The following SMPD4 variants were observed in gnomAD, a reference collection of about 807,000 sequenced individuals.
SMPD4 encodes the protein neutral sphingomyelinase 3.
Under a neutral mutation model 97.8 loss-of-function variants are expected in SMPD4, and 58 were observed. The observed-to-expected ratio is 0.59, with a 90% CI of 0.48 to 0.74. The LOEUF is 0.74. SMPD4 is among the 30% of genes least tolerant of loss of function. SMPD4 has a pLI of 0.00. For missense variants in SMPD4, 853 were observed against 1,080.5 expected (o/e 0.79, Z 2.95); for synonymous variants, 388 against 450.0 (o/e 0.86, Z 1.74).
intron 8 of SMPD4, 40 bp from the exon 9 acceptor site, chr2:130,167,630 C>A: frequency 5.2e-6 from 8 of 1,553,036 alleles, no homozygotes; most frequent in Non-Finnish European, 7.0e-6. Flanking sequence ...TACAGGCTCC[C>A]GCTGTAACTC....
chr2:130,168,638 G>A (rs1183348635), intron 8 of SMPD4, among the ~76,000 whole-genome samples: 1 of 151,820 alleles, frequency 6.6e-6, no homozygotes, highest in Non-Finnish European at 1.5e-5. Context: ...AAGTAGCTGG[G>A]ACCAACACCA....
intron 11 of SMPD4, among the ~76,000 whole-genome samples, chr2:130,158,849 A>C (rs114380411): frequency 1.7e-3 from 261 of 152,286 alleles, no homozygotes; most frequent in African/African-American, 6.0e-3. Context: ...CCCAGCCTCC[A>C]GGTATATCCT....
chr2:130,163,083 G>T (rs374540415), intron 10 of SMPD4, among the ~76,000 whole-genome samples: 70 of 152,392 alleles, frequency 4.6e-4, no homozygotes, highest in African/African-American at 1.7e-3. Context: ...CACTCCCTCA[G>T]AAGGCAGAAG....
chr2:130,181,472 G>A (rs1404425058), intron 1 of SMPD4, 58 bp downstream of exon 1: 13 of 1,552,230 alleles, frequency 8.4e-6, no homozygotes, highest in Non-Finnish European at 1.1e-5. Context: ...CTCCGCAGGG[G>A]CTCGGGGAAG....
At chr2:130,153,584 C>T in intron 17 of SMPD4, 118 bp downstream of exon 17, 1 of 1,558,028 alleles carries the variant, frequency 6.4e-7, no homozygotes, top group South Asian at 1.2e-5. Flanking sequence ...CCTCCCACAA[C>T]ACTGGGTCCA....
intron 13 of SMPD4, 165 bp from the exon 14 acceptor site, chr2:130,156,300 C>A: frequency 1.4e-6 from 1 of 702,424 alleles, no homozygotes; most frequent in Non-Finnish European, 2.4e-6. Context: ...TCTTGCTGGC[C>A]CTCCAGAAGC....
chr2:130,179,245 C>A (rs535598098), intron 1 of SMPD4, among the ~76,000 whole-genome samples: 2 of 152,038 alleles, frequency 1.3e-5, no homozygotes, highest in Non-Finnish European at 2.9e-5. Flanking sequence ...CTCAGCCTCC[C>A]GAGTAGCTGG....
intron 18 of SMPD4, 58 bp downstream of exon 18, chr2:130,153,261 G>T (rs1686410177): frequency 6.2e-7 from 1 of 1,612,628 alleles, no homozygotes; most frequent in Non-Finnish European, 8.5e-7. Flanking sequence ...CAAGGGAGGA[G>T]GGAGCTGGGG....
At chr2:130,164,092 C>T (rs1157043217) in intron 10 of SMPD4, among the ~76,000 whole-genome samples, 1 of 152,214 alleles carries the variant, frequency 6.6e-6, no homozygotes, top group Non-Finnish European at 1.5e-5. Context: ...CTCATCTGTT[C>T]CTGCTGCCAG....
intron 14 of SMPD4, 80 bp downstream of exon 14, chr2:130,155,955 G>A (rs2104810656): frequency 3.5e-6 from 5 of 1,434,246 alleles, no homozygotes; most frequent in South Asian, 1.2e-5. Flanking sequence ...AGCACAGGCC[G>A]CTGGCTTGGC....
At chr2:130,162,123 C>A (rs1418320487) in intron 10 of SMPD4, among the ~76,000 whole-genome samples, 1 of 152,264 alleles carries the variant, frequency 6.6e-6, no homozygotes, top group Non-Finnish European at 1.5e-5. Flanking sequence ...CAGAAACTCC[C>A]ACCCTCCAGA....
intron 1 of SMPD4, chr2:130,181,244 C>T: frequency 7.6e-7 from 1 of 1,315,872 alleles, no homozygotes; most frequent in African/African-American, 1.5e-5. Flanking sequence ...CAACACAAAG[C>T]TCTCCTTCCC....
intron 10 of SMPD4, among the ~76,000 whole-genome samples, chr2:130,162,913 TGGCCAAG>T (rs1687565661): frequency 6.6e-6 from 1 of 152,226 alleles, no homozygotes; most frequent in Non-Finnish European, 1.5e-5. Context: ...CCCCAAGGTC[TGGCCAAG>T]AGGAAGCAAA....
In SMPD4 at chr2:130,172,344, C is replaced by A; in HGVS notation, c.659+5G>T. On this transcript the variant is annotated splice_donor_5th_base_variant and intron_variant, in intron 8 of 19. Coordinates refer to ENST00000680298, the MANE Select transcript of SMPD4 (RefSeq NM_017951.5). ...GGGCCAGGTCTTAACAAAGGGCAGC[C>A]TTACCTGGGAGGTGGTGAGGGGCTG... 1.9e-6 allele frequency: 3 copies of A among 1,576,618 alleles called. No homozygotes were observed. Among genetic ancestry groups the A allele is most frequent in the Non-Finnish European group, 2.6e-6 (3 of 1,161,294 alleles).
chr2:130,153,335 G>C lies in SMPD4; in HGVS notation c.2009C>G (p.Pro670Arg). 1 of 1,613,800 alleles carries C rather than the reference G, an allele frequency of 6.2e-7. No individual in the cohort carries two copies. The highest frequency in any genetic ancestry group is 8.5e-7 in the Non-Finnish European group (1 of 1,180,016). The change falls in exon 18 of 20, where the codon CCC (proline) becomes CGC (arginine). Residue 670 changes from proline to arginine, a missense_variant. Transcript: ENST00000680298. ...IVGEDGLILT[P>R]LGRYQIINGL... ...GCCTCTCACCTGGTACCGCCCCAGG[G>C]GCGTAAGGATGAGTCCGTCCTCACC... is the stretch of plus-strand genomic sequence containing the variant.
At chr2:130,176,718 T>G (rs1208116330) in intron 1 of SMPD4, 81 bp from the exon 2 acceptor site, 2 of 1,190,780 alleles carry the variant, frequency 1.7e-6, no homozygotes, top group African/African-American at 1.5e-5. Flanking sequence ...GACAGGGTCT[T>G]GTTCTGTTGC....
intron 8 of SMPD4, among the ~76,000 whole-genome samples, chr2:130,169,514 CAGCAAAGT>C (rs1241598667): frequency 6.6e-6 from 1 of 151,560 alleles, no homozygotes; most frequent in Admixed American, 6.6e-5. Context: ...CCAACACATG[CAGCAAAGT>C]ATTAACAGTT....
intron 9 of SMPD4, among the ~76,000 whole-genome samples, chr2:130,165,437 CAA>C (rs945475675): frequency 7.4e-6 from 1 of 134,816 alleles, no homozygotes; most frequent in Admixed American, 7.4e-5. Context: ...AAAAAAAAAA[CAA>C]AAAAAAAACC....
intron 14 of SMPD4, among the ~76,000 whole-genome samples, chr2:130,155,492 G>C (rs1686689233): frequency 6.6e-6 from 1 of 152,172 alleles, no homozygotes; most frequent in Non-Finnish European, 1.5e-5. Context: ...GCAAGGCTGA[G>C]GCCCCTTTCC....
Sources: gnomAD v4.1 joint callset for allele counts (sites outside exome capture counted in the v4.1 genomes callset) on GRCh38, gnomAD v4.1.1 for gene constraint, MANE v1.5 for transcripts, NCBI Gene and HGNC (gene_info 2026-07-23, HGNC 2026-07-21) for gene names.